Variants in RUSF1 observed in about 807,000 individuals in gnomAD.
RUSF1 encodes the protein RUS family member 1, also known as RUS1 family protein C16orf58.
In RUSF1, 58 loss-of-function variants were observed where a neutral mutation model predicts 63.0. That is an observed-to-expected ratio of 0.92 (90% confidence interval 0.75 to 1.15). RUSF1 has a LOEUF of 1.15. Among genes scored for constraint, RUSF1 ranks in the 50% most tolerant of loss-of-function variants. The probability of loss-of-function intolerance (pLI) is 0.00; values close to 1 mark genes in which losing one functional copy is unlikely to be tolerated. For missense variants in RUSF1, 652 were observed against 611.0 expected (o/e 1.07, Z -0.71); for synonymous variants, 274 against 255.8 (o/e 1.07, Z -0.68).
chr16:31,490,960 G>C (rs773939408), intron 12 of RUSF1, 28 bp from the exon 13 acceptor site: 1 of 1,607,864 alleles, frequency 6.2e-7, no homozygotes, highest in Non-Finnish European at 8.5e-7. Context: ...GGTGCTGCCG[G>C]GAATGCTGGG....
intron 6 of RUSF1, among the ~76,000 whole-genome samples, chr16:31,496,612 C>G (rs377647859): frequency 6.6e-6 from 1 of 152,202 alleles, no homozygotes. Flanking sequence ...ACGGTGGGGT[C>G]TGAAGAGGGC....
rs577507252 is a variant in RUSF1, at chr16:31,492,341, C to G, written c.1088-1G>C. The G allele has an allele frequency of 1.3e-6, 2 of 1,551,926 alleles. No individual in the cohort carries two copies. Among genetic ancestry groups the G allele is most frequent in the South Asian group, 2.4e-5 (2 of 82,014 alleles). On this transcript the variant is annotated splice_acceptor_variant, in intron 10 of 12. Coordinates refer to ENST00000327237, the MANE Select transcript of RUSF1 (RefSeq NM_022744.4). LOFTEE classifies it high-confidence loss of function. The stretch of plus-strand genomic sequence containing the variant: ...TGGTTCAGAACTACCTGTACCTGGT[C>G]TGGAGGGACCCAGAGACAGACTGGT...
intron 2 of RUSF1, among the ~76,000 whole-genome samples, chr16:31,505,183 C>A (rs1221596498): frequency 6.6e-6 from 1 of 152,180 alleles, no homozygotes; most frequent in East Asian, 1.9e-4. Flanking sequence ...CTCTGCTACA[C>A]TGAGATGTCT....
At chr16:31,491,052 G>T in intron 12 of RUSF1, 120 bp from the exon 13 acceptor site, 1 of 897,168 alleles carries the variant, frequency 1.1e-6, no homozygotes, top group South Asian at 1.5e-5. Flanking sequence ...GGTGAGTATG[G>T]CATAAAATGA....
chr16:31,493,050 T>C lies in RUSF1; in HGVS notation c.1017-2A>G, dbSNP rs748411806. The C allele has an allele frequency of 2.6e-5, 42 of 1,613,366 alleles. No individual in the cohort carries two copies. In the East Asian group the frequency reaches 8.7e-4, roughly 33 times the overall value. Reference sequence around the variant, plus strand: ...ACCAGCTGCTGCAGCTCAAAGACACTGTGGGGGAGAGGACAGTGCAGTGGG... The same window carrying C: ...ACCAGCTGCTGCAGCTCAAAGACACCGTGGGGGAGAGGACAGTGCAGTGGG... On this transcript the variant is annotated splice_acceptor_variant, in intron 9 of 12. Transcript: ENST00000327237. LOFTEE classifies it high-confidence loss of function.
rs936036454 is a variant in RUSF1, at chr16:31,506,453, A to G, written c.415+1311T>C. Among the ~76,000 whole-genome samples, 7 of 152,350 alleles carry G rather than the reference A, an allele frequency of 4.6e-5. No individual in the cohort carries two copies. In the South Asian group the frequency reaches 1.0e-3, roughly 23 times the overall value. The stretch of plus-strand genomic sequence containing the variant: ...TGTTGGTGACATCACATGAAAACAA[A>G]AACTACTGACCCAAGCTCCAAATGC... On this transcript the variant is annotated intron_variant, in intron 2 of 12. Transcript: ENST00000327237.
chr16:31,491,771 G>A (rs1053042013), intron 12 of RUSF1, among the ~76,000 whole-genome samples: 1 of 151,278 alleles, frequency 6.6e-6, no homozygotes, highest in Non-Finnish European at 1.5e-5. Flanking sequence ...AACCACACCT[G>A]GCTAATTTTT....
At chr16:31,501,992 C>CA (rs1358081283) in intron 2 of RUSF1, among the ~76,000 whole-genome samples, 1 of 152,170 alleles carries the variant, frequency 6.6e-6, no homozygotes, top group African/African-American at 2.4e-5. Context: ...ATAAAGCCTG[C>CA]AAAGCATTAA....
At chr16:31,496,324 GTGCTAGGAT>G (rs2082602125) in intron 6 of RUSF1, among the ~76,000 whole-genome samples, 1 of 152,164 alleles carries the variant, frequency 6.6e-6, no homozygotes, top group Non-Finnish European at 1.5e-5. Flanking sequence ...GCCTCCCAAA[GTGCTAGGAT>G]GACAGGCGTG....
intron 2 of RUSF1, 61 bp downstream of exon 2, chr16:31,507,703 A>C: frequency 6.9e-7 from 1 of 1,454,594 alleles, no homozygotes; most frequent in South Asian, 1.2e-5. Flanking sequence ...TATACACATA[A>C]GAGCCCAGCG....
At chr16:31,507,541 A>C (rs112552604) in intron 2 of RUSF1, among the ~76,000 whole-genome samples, 124 of 152,276 alleles carry the variant, frequency 8.1e-4, no homozygotes, top group African/African-American at 2.9e-3. Flanking sequence ...GAGACTCAGA[A>C]GTCTGTGTGG....
At chr16:31,493,190 A>C (rs749463584) in intron 9 of RUSF1, 142 bp from the exon 10 acceptor site, 1 of 917,552 alleles carries the variant, frequency 1.1e-6, no homozygotes, top group South Asian at 1.4e-5. Flanking sequence ...CTCAGCCATT[A>C]CCCATACACA....
intron 12 of RUSF1, among the ~76,000 whole-genome samples, chr16:31,491,618 C>CTTTT (rs955069758): frequency 4.9e-5 from 6 of 122,996 alleles, no homozygotes; most frequent in African/African-American, 1.8e-4. Flanking sequence ...GCCCGACAGT[C>CTTTT]TTTTTTTTTT....
intron 2 of RUSF1, among the ~76,000 whole-genome samples, chr16:31,504,551 G>C (rs536679278): frequency 7.9e-5 from 12 of 152,186 alleles, no homozygotes; most frequent in African/African-American, 2.9e-4. Flanking sequence ...TGGGATTACA[G>C]GGATGAGCCA....
In RUSF1 at chr16:31,490,659, G is replaced by A; in HGVS notation, c.*176C>T. On this transcript the variant is annotated 3_prime_UTR_variant, in exon 13 of 13. Transcript: ENST00000327237. The stretch of plus-strand genomic sequence containing the variant: ...GAAGGTCCTGGCTCCCCTTCTCCCG[G>A]CCTTCCTCTGCCTGGGGCCCACTGC... 1 of 1,086,456 alleles carries A rather than the reference G, an allele frequency of 9.2e-7. No individual in the cohort carries two copies. Among genetic ancestry groups the A allele is most frequent in the East Asian group, 2.5e-5 (1 of 39,442 alleles). The allele number at this position is 1,086,456 out of a possible 1,614,324, so 67.3% of individuals were successfully genotyped here.
At chr16:31,491,931 A>G in intron 12 of RUSF1, 78 bp downstream of exon 12, 1 of 1,445,470 alleles carries the variant, frequency 6.9e-7, no homozygotes, top group Non-Finnish European at 9.7e-7. Flanking sequence ...TTCAGGTGAA[A>G]GGGTGGGAGT....
At chr16:31,502,905 T>C (rs2082639764) in intron 2 of RUSF1, among the ~76,000 whole-genome samples, 1 of 152,252 alleles carries the variant, frequency 6.6e-6, no homozygotes. Flanking sequence ...GTTGGGATTA[T>C]AGGCGTGAGC....
intron 2 of RUSF1, among the ~76,000 whole-genome samples, chr16:31,503,021 T>A (rs1013897985): frequency 6.6e-6 from 1 of 152,278 alleles, no homozygotes; most frequent in East Asian, 1.9e-4. Flanking sequence ...GAGCCTATTC[T>A]ACCTTTCCAT....
chr16:31,500,667 G>A lies in RUSF1; in HGVS notation c.461+19C>T. 6.2e-7 allele frequency: 1 copy of A among 1,611,022 alleles called. No individual in the cohort carries two copies. The highest frequency in any genetic ancestry group is 8.5e-7 in the Non-Finnish European group (1 of 1,178,074). ...CTGGGAAGAGTTGCCAGAGTTGCTG[G>A]CCGGGAAGACAAACTCACCCTTTCC... On this transcript the variant is annotated intron_variant, in intron 3 of 12. Transcript: ENST00000327237.
Sources: gnomAD v4.1 joint callset for allele counts (sites outside exome capture counted in the v4.1 genomes callset) on GRCh38, gnomAD v4.1.1 for gene constraint, MANE v1.5 for transcripts, NCBI Gene and HGNC (gene_info 2026-07-23, HGNC 2026-07-21) for gene names.